The following PLBD1 variants were observed in gnomAD, a reference collection of about 807,000 sequenced individuals.
The protein encoded by PLBD1 is phospholipase B domain containing 1, also known as lysosomal leucine aminopeptidase.
In PLBD1, 60 loss-of-function variants were observed where a neutral mutation model predicts 63.0. The observed-to-expected ratio is 0.95, with a 90% confidence interval of 0.77 to 1.18. The LOEUF is 1.18. Among genes scored for constraint, PLBD1 ranks in the 50% most tolerant of loss-of-function variants. PLBD1 has a pLI of 0.00. For synonymous variants in PLBD1, 262 were observed against 248.0 expected (o/e 1.06, Z -0.53); for missense variants, 598 against 677.9 (o/e 0.88, Z 1.31).
chr12:14,526,314 G>T (rs2136914117), intron 6 of PLBD1, among the ~76,000 whole-genome samples: 1 of 152,256 alleles, frequency 6.6e-6, no homozygotes, highest in African/African-American at 2.4e-5. Context: ...TTCCGTTTGT[G>T]CTAACAAATT....
chr12:14,527,822 A>AG (rs1945428078), intron 6 of PLBD1, among the ~76,000 whole-genome samples: 2 of 151,802 alleles, frequency 1.3e-5, no homozygotes, highest in South Asian at 2.1e-4. Context: ...ATGACAAAAA[A>AG]AAAAGAAAGT....
chr12:14,516,445 T>C (rs967409293), intron 6 of PLBD1, among the ~76,000 whole-genome samples: 1 of 152,176 alleles, frequency 6.6e-6, no homozygotes, highest in Non-Finnish European at 1.5e-5. Flanking sequence ...GGATTCAGTA[T>C]GCTAGGATGG....
At chr12:14,505,595 A>G (rs1185270301) in intron 10 of PLBD1, among the ~76,000 whole-genome samples, 1 of 152,242 alleles carries the variant, frequency 6.6e-6, no homozygotes, top group Non-Finnish European at 1.5e-5. Context: ...AGCTGGCTTT[A>G]GCACACCACT....
At chr12:14,545,263 C>T (rs2136926976) in intron 2 of PLBD1, among the ~76,000 whole-genome samples, 1 of 152,356 alleles carries the variant, frequency 6.6e-6, no homozygotes, top group Admixed American at 6.5e-5. Flanking sequence ...TTTGTGGCCT[C>T]CTTTCTACAA....
chr12:14,544,163 G>A (rs912104554), intron 2 of PLBD1, among the ~76,000 whole-genome samples: 1 of 152,116 alleles, frequency 6.6e-6, no homozygotes, highest in Non-Finnish European at 1.5e-5. Context: ...AAAAGGCTGT[G>A]TCTTCCAACT....
chr12:14,540,925 A>G (rs761907970), intron 3 of PLBD1, 23 bp from the exon 4 acceptor site: 26 of 1,578,074 alleles, frequency 1.6e-5, no homozygotes, highest in Non-Finnish European at 2.6e-6. Context: ...TTAGATTTGC[A>G]CCACAGTCTC....
At chr12:14,528,577 T>C (rs1166389183) in intron 6 of PLBD1, among the ~76,000 whole-genome samples, 1 of 152,208 alleles carries the variant, frequency 6.6e-6, no homozygotes, top group Non-Finnish European at 1.5e-5. Flanking sequence ...ATTTGTCAGA[T>C]GCACCAAAAG....
rs184961998 is a variant in PLBD1, at chr12:14,524,392, C to T, written c.844+11267G>A. Among the ~76,000 whole-genome samples the T allele has an allele frequency of 6.7e-3, 1,024 of 152,142 alleles. 12 individuals are homozygous for T. The highest frequency in any genetic ancestry group is 0.023 in the African/African-American group (956 of 41,500). ...TTGTTCACTACACAATGTATACATG[C>T]ATCAAAACATCACACTGTCCCCTAT... On this transcript the variant is annotated intron_variant, in intron 6 of 10. Coordinates refer to ENST00000240617, the MANE Select transcript of PLBD1 (RefSeq NM_024829.6).
At chr12:14,561,776 G>A (rs932647753) in intron 1 of PLBD1, among the ~76,000 whole-genome samples, 2 of 152,058 alleles carry the variant, frequency 1.3e-5, no homozygotes, top group Non-Finnish European at 2.9e-5. Flanking sequence ...GGCTGGTCTC[G>A]AACTCTCAAC....
At chr12:14,522,159 G>A (rs1945381540) in intron 6 of PLBD1, among the ~76,000 whole-genome samples, 1 of 152,116 alleles carries the variant, frequency 6.6e-6, no homozygotes, top group Non-Finnish European at 1.5e-5. Flanking sequence ...AGGGAGAAGA[G>A]ATGGAGAAGG....
intron 1 of PLBD1, among the ~76,000 whole-genome samples, chr12:14,556,881 G>A (rs1472629207): frequency 6.6e-6 from 1 of 150,782 alleles, no homozygotes; most frequent in Non-Finnish European, 1.5e-5. Context: ...CTACTTGGGA[G>A]GCTAGGGCAG....
In PLBD1 at chr12:14,511,651, G is replaced by T. The variant is rs776645512; in HGVS notation, c.905C>A (p.Thr302Asn). 2.2e-5 allele frequency: 35 copies of T among 1,614,040 alleles called. No homozygotes were observed. Among genetic ancestry groups the T allele is most frequent in the Non-Finnish European group, 2.9e-5 (34 of 1,180,038 alleles). ...GGTTTTATTAAACACACTGTTTGTG[G>T]TCTGCAGCAATATCAATCCACTGCT... Reference protein sequence around the residue: ...ILSSGLILLQTTNSVFNKTLL... With the variant: ...ILSSGLILLQNTNSVFNKTLL... The change falls in exon 7 of 11, where the codon ACC becomes AAC. Residue 302 changes from threonine (T) to asparagine (N), a missense_variant. By Grantham distance (65) the Thr-to-Asn change is moderately conservative (BLOSUM62 0). Transcript: ENST00000240617.
rs747928928 is a variant in PLBD1 at position 14,535,854 on chromosome 12, G to A, written c.700-51C>T. Reference sequence around the variant, plus strand: ...CACAGATGTACATAGCTAACTGACTGCAATTGTCTTAAGTGTAAGAGGCAT... The same window carrying A: ...CACAGATGTACATAGCTAACTGACTACAATTGTCTTAAGTGTAAGAGGCAT... On this transcript the variant is annotated intron_variant, in intron 5 of 10. Transcript: ENST00000240617. 8.3e-6 allele frequency: 13 copies of A among 1,570,894 alleles called. No individual in the cohort carries two copies. In the Admixed American group the frequency reaches 1.1e-4, roughly 13 times the overall value.
chr12:14,565,447 A>T (rs1488457856), intron 1 of PLBD1, among the ~76,000 whole-genome samples: 1 of 152,124 alleles, frequency 6.6e-6, no homozygotes, highest in Non-Finnish European at 1.5e-5. Flanking sequence ...CCTGGGGGGA[A>T]AATAAAAATA....
At position 14,507,112 on chromosome 12, in the gene PLBD1, C is replaced by T. The variant is rs1407969555; in HGVS notation, c.1193G>A (p.Trp398Ter). The T allele has an allele frequency of 2.5e-6, 4 of 1,598,128 alleles. No homozygotes were observed. Among genetic ancestry groups the T allele is most frequent in the African/African-American group, 1.3e-5 (1 of 74,660 alleles). The change falls in exon 9 of 11, where the codon TGG (tryptophan) becomes TAG (stop). Residue 398 changes from tryptophan (W) to a stop codon, truncating the protein, a stop_gained. Transcript: ENST00000240617. LOFTEE classifies it high-confidence loss of function. ...ATGGAAAGGAACATTGTAGGAGGGC[C>T]AATATCCTGATTTGGAATGGAAGGG... The part of the protein sequence containing the change: ...EQTDVLRKGY[W>*]PSYNVPFHEK...
chr12:14,542,115 A>G (rs1392560030), intron 3 of PLBD1, 93 bp downstream of exon 3: 4 of 1,022,204 alleles, frequency 3.9e-6, no homozygotes, highest in Non-Finnish European at 6.1e-6. Flanking sequence ...TAAAGAGATT[A>G]AAAAGAAATT....
chr12:14,510,758 C>T (rs906722683), intron 8 of PLBD1, among the ~76,000 whole-genome samples: 3 of 152,140 alleles, frequency 2.0e-5, no homozygotes, highest in Admixed American at 6.5e-5. Flanking sequence ...TCTGACTCCA[C>T]CCACTAACAG....
At chr12:14,540,704 A>G (rs1236604606) in intron 4 of PLBD1, 60 bp downstream of exon 4, 16 of 1,420,588 alleles carry the variant, frequency 1.1e-5, no homozygotes, top group African/African-American at 2.9e-5. Context: ...TATTTTAAAG[A>G]TAACATTCAA....
chr12:14,558,327 G>T (rs1945722488), intron 1 of PLBD1, among the ~76,000 whole-genome samples: 1 of 152,094 alleles, frequency 6.6e-6, no homozygotes, highest in Non-Finnish European at 1.5e-5. Context: ...CCAATAAACT[G>T]CGGGTGACAA....
Sources: gnomAD v4.1 joint callset for allele counts (sites outside exome capture counted in the v4.1 genomes callset) on GRCh38, gnomAD v4.1.1 for gene constraint, MANE v1.5 for transcripts, NCBI Gene and HGNC (gene_info 2026-07-23, HGNC 2026-07-21) for gene names.